MTA3: variants seen among roughly 807,000 people sequenced by gnomAD.
MTA3 encodes the protein metastasis associated 1 family member 3.
MTA3 carries 34 observed loss-of-function variants against 83.5 expected under a neutral mutation model. The ratio of observed to expected loss-of-function variants is 0.41; its 90% confidence interval spans 0.31 to 0.54. The LOEUF is 0.54. Among genes scored for constraint, MTA3 ranks in the 20% least tolerant of loss-of-function variants. The pLI is 0.33. For missense variants in MTA3, 761 were observed against 726.4 expected (o/e 1.05, Z -0.55); for synonymous variants, 303 against 252.7 (o/e 1.20, Z -1.89).
At chr2:42,669,376 C>G (rs1469088832) in intron 8 of MTA3, among the ~76,000 whole-genome samples, 1 of 152,026 alleles carries the variant, frequency 6.6e-6, no homozygotes, top group African/African-American at 2.4e-5. Flanking sequence ...TGAGCCACTG[C>G]GCCTGGCCAG....
exon 1 of MTA3, chr2:42,494,672 C>G (rs374973532): frequency 1.6e-4 from 25 of 152,376 alleles, no homozygotes; most frequent in African/African-American, 5.8e-4. Flanking sequence ...TAACGTGTAG[C>G]GCGCCTGGAC....
At chr2:42,594,191 A>G (rs915366631) in intron 3 of MTA3, among the ~76,000 whole-genome samples, 1 of 148,892 alleles carries the variant, frequency 6.7e-6, no homozygotes, top group South Asian at 2.1e-4. Context: ...ACTTCAGATG[A>G]TCCACCTGCC....
intron 3 of MTA3, among the ~76,000 whole-genome samples, chr2:42,590,200 C>G (rs1680802259): frequency 6.6e-6 from 1 of 152,118 alleles, no homozygotes; most frequent in Admixed American, 6.6e-5. Context: ...GCCCTCCAAA[C>G]TCATGTTGAG....
At chr2:42,634,024 G>A (rs997542430) in intron 4 of MTA3, among the ~76,000 whole-genome samples, 5 of 152,102 alleles carry the variant, frequency 3.3e-5, no homozygotes, top group African/African-American at 1.2e-4. Flanking sequence ...GTATCCCAGG[G>A]ACCTTTGACA....
intron 2 of MTA3, among the ~76,000 whole-genome samples, chr2:42,555,155 A>C (rs1677316991): frequency 6.6e-6 from 1 of 151,974 alleles, no homozygotes. Flanking sequence ...AGGAAAATGC[A>C]GTAGCACAGT....
chr2:42,677,329 C>A (rs574592991), intron 8 of MTA3, among the ~76,000 whole-genome samples: 1 of 151,812 alleles, frequency 6.6e-6, no homozygotes, highest in African/African-American at 2.4e-5. Flanking sequence ...CTCATGAGAT[C>A]TGATTTATTT....
At chr2:42,513,037 TTAA>T (rs1448594249) in intron 2 of MTA3, among the ~76,000 whole-genome samples, 1 of 152,166 alleles carries the variant, frequency 6.6e-6, no homozygotes, top group Non-Finnish European at 1.5e-5. Flanking sequence ...GCCACTTAAT[TTAA>T]ATCAGTCCCC....
intron 3 of MTA3, among the ~76,000 whole-genome samples, chr2:42,603,082 G>T (rs1033291180): frequency 6.6e-6 from 1 of 150,600 alleles, no homozygotes; most frequent in African/African-American, 2.4e-5. Flanking sequence ...CTCAGAACAC[G>T]TTGGTAGGCA....
At chr2:42,522,244 A>G (rs1224835485) in intron 2 of MTA3, among the ~76,000 whole-genome samples, 1 of 152,112 alleles carries the variant, frequency 6.6e-6, no homozygotes, top group Non-Finnish European at 1.5e-5. Context: ...TGATATGCAA[A>G]GAGGATCCTC....
chr2:42,707,107 G>C (rs1314664368), intron 12 of MTA3, among the ~76,000 whole-genome samples: 4 of 151,928 alleles, frequency 2.6e-5, no homozygotes, highest in Admixed American at 6.6e-5. Flanking sequence ...TGGGACTACA[G>C]GGGTTCACCA....
At chr2:42,689,581 T>A (rs143327058) in intron 9 of MTA3, among the ~76,000 whole-genome samples, 4 of 152,282 alleles carry the variant, frequency 2.6e-5, no homozygotes, top group Admixed American at 6.5e-5. Flanking sequence ...TATTGTTACC[T>A]CTTTCTTCTT....
intron 1 of MTA3, 40 bp from the exon 2 acceptor site, chr2:42,570,397 C>T: frequency 3.1e-6 from 4 of 1,289,090 alleles, no homozygotes; most frequent in Non-Finnish European, 3.2e-6. Flanking sequence ...TCTGAACTTT[C>T]TGTTAAAAAG....
At chr2:42,693,113 C>G (rs566905826) in intron 9 of MTA3, among the ~76,000 whole-genome samples, 2 of 152,080 alleles carry the variant, frequency 1.3e-5, no homozygotes, top group Non-Finnish European at 2.9e-5. Flanking sequence ...TTCCCCTCCC[C>G]CTCCTTCCTT....
chr2:42,583,811 G>A (rs1458182116), intron 3 of MTA3, among the ~76,000 whole-genome samples: 1 of 151,660 alleles, frequency 6.6e-6, no homozygotes, highest in African/African-American at 2.4e-5. Flanking sequence ...GATTGCAGGT[G>A]TGAGCCACTG....
In MTA3 at chr2:42,656,310, T is replaced by G. The variant is rs746846140; in HGVS notation, c.602+8T>G. The G allele has an allele frequency of 1.9e-6, 3 of 1,582,308 alleles. No individual in the cohort carries two copies. The highest frequency in any genetic ancestry group is 1.7e-5 in the Admixed American group (1 of 59,866). ...GTTTTTAGTTGTAGCACGGTGAGTA[T>G]GAGTATGGCATTATTGAGTCAATAA... On this transcript the variant is annotated splice_region_variant and intron_variant, in intron 7 of 16. Coordinates refer to ENST00000405094, the MANE Select transcript of MTA3 (RefSeq NM_001330442.2).
chr2:42,608,303 C>G (rs1168502324), intron 3 of MTA3, among the ~76,000 whole-genome samples: 1 of 152,204 alleles, frequency 6.6e-6, no homozygotes, highest in Non-Finnish European at 1.5e-5. Flanking sequence ...GCAGCAGCAA[C>G]TTTATCAATC....
At chr2:42,600,594 T>C (rs1682439557) in intron 3 of MTA3, among the ~76,000 whole-genome samples, 1 of 151,870 alleles carries the variant, frequency 6.6e-6, no homozygotes, top group South Asian at 2.1e-4. Flanking sequence ...CAGGCTGGAG[T>C]GCAGTGGTGT....
Position 42,557,697 on chromosome 2 carries a change from G to A in MTA3, c.-140-12740G>A, listed in dbSNP as rs537664203. On this transcript the variant is annotated intron_variant, in intron 2 of 17. Coordinates refer to the MTA3 transcript ENST00000405592. ...CAATGATTTATTTATCTAGGACTTC[G>A]AAGTTTAGCTTGAGCTCTCCAACAT... Among the ~76,000 whole-genome samples the A allele has an allele frequency of 7.2e-5, 11 of 152,256 alleles. No individual in the cohort carries two copies. The South Asian group carries it at 1.5e-3, about 20-fold the overall frequency.
Position 42,708,161 on chromosome 2 carries a change from C to A in MTA3, c.1302+107C>A, listed in dbSNP as rs921443538. On this transcript the variant is annotated intron_variant, in intron 13 of 16. Transcript: ENST00000405094. ...GATAATTAAAAAATGAAGAAAGCTACCTTTATAGCTAAACGTAGCACTACA... is the reference window on the plus strand; with the variant it reads ...GATAATTAAAAAATGAAGAAAGCTAACTTTATAGCTAAACGTAGCACTACA... 1.2e-4 allele frequency: 141 copies of A among 1,156,344 alleles called. 7 individuals are homozygous for A. The South Asian group carries it at 2.6e-3, about 21-fold the overall frequency. 71.6% of individuals were successfully genotyped at this position (1,156,344 alleles called of 1,614,324 possible). A position where few individuals can be genotyped will look rare whatever the true frequency, so the allele number is the denominator to read the frequency against.
Sources: allele counts gnomAD v4.1 joint callset (sites outside exome capture counted in the v4.1 genomes callset), GRCh38; gene constraint gnomAD v4.1.1; transcripts MANE v1.5; gene names NCBI Gene and HGNC (gene_info 2026-07-23, HGNC 2026-07-21).